Variants in CATSPERE observed in about 807,000 individuals in gnomAD.
The protein encoded by CATSPERE is catsper channel auxiliary subunit epsilon, also known as cation channel sperm-associated auxiliary subunit epsilon.
A neutral mutation model predicts 114.1 loss-of-function variants in CATSPERE; 93 were observed. The observed-to-expected ratio is 0.81, with a 90% CI of 0.69 to 0.97. CATSPERE has a LOEUF of 0.97. Ranked by LOEUF, CATSPERE falls within the 50% of genes least tolerant of loss-of-function variation. The probability of loss-of-function intolerance (pLI) is 0.00; values close to 1 mark genes in which losing one functional copy is unlikely to be tolerated. For synonymous variants in CATSPERE, 341 were observed against 384.1 expected (o/e 0.89, Z 1.31); for missense variants, 1,058 against 1,131.6 (o/e 0.93, Z 0.93).
intron 18 of CATSPERE, among the ~76,000 whole-genome samples, chr1:244,609,806 T>A (rs1670474536): frequency 3.3e-5 from 5 of 152,188 alleles, no homozygotes; most frequent in Non-Finnish European, 7.3e-5. Context: ...TTTGGGAGGC[T>A]GAGGCAGGAA....
intron 17 of CATSPERE, among the ~76,000 whole-genome samples, chr1:244,602,490 C>T (rs143611021): frequency 2.6e-4 from 40 of 152,266 alleles, no homozygotes; most frequent in African/African-American, 9.6e-4. Flanking sequence ...GGGAATGGCT[C>T]AGGTACAAGG....
In CATSPERE at chr1:244,479,772, A is replaced by G; in HGVS notation, c.314A>G (p.Tyr105Cys). The G allele has an allele frequency of 6.3e-7, 1 of 1,586,580 alleles. No individual in the cohort carries two copies. The highest frequency in any genetic ancestry group is 8.6e-7 in the Non-Finnish European group (1 of 1,160,438). The part of the protein sequence containing the change: ...VESSHTCFLW[Y>C]YRVRHFFNNF... ...AGTTCTCATACTTGCTTTCTGTGGT[A>G]CTATAGAGTTAGGTAAGTAATGCAG... The change falls in exon 5 of 22, where the codon TAC (tyrosine) becomes TGC (cysteine). Residue 105 changes from tyrosine (Y) to cysteine (C), a missense_variant. Physicochemically the swap from Tyr to Cys is radical, Grantham distance 194 (BLOSUM62 -2). This residue lies in a region of CATSPERE where 271 missense variants were observed against 225.9 expected (regional missense o/e 1.20). Transcript: ENST00000366534.
rs549929081 is a variant in CATSPERE, at chr1:244,504,718, AC to A, written c.429+5641del. Reference sequence around the variant, plus strand: ...GGAGTTAGGTGTTTCAGGCAGGAAGACCGCAGAAGTAAAGTGGCATTCCCAT... The same window carrying A: ...GGAGTTAGGTGTTTCAGGCAGGAAGACGCAGAAGTAAAGTGGCATTCCCAT... On this transcript the variant is annotated intron_variant, in intron 7 of 21. Transcript: ENST00000366534. This position sits in a 1 kb window ranked among gnomAD's most constrained non-coding sequence, Gnocchi z 4.1. Among the ~76,000 whole-genome samples the A allele has an allele frequency of 3.5e-4, 53 of 152,338 alleles. No individual in the cohort carries two copies. The East Asian group carries it at 0.01, about 29-fold the overall frequency.
Position 244,461,417 on chromosome 1 carries a change from C to G in CATSPERE, c.-13C>G. 1 of 1,360,956 alleles carries G rather than the reference C, an allele frequency of 7.3e-7. No homozygotes were observed. Among genetic ancestry groups the G allele is most frequent in the South Asian group, 1.9e-5 (1 of 53,166 alleles). The allele number at this position is 1,360,956 out of a possible 1,614,324, so 84.3% of individuals were successfully genotyped here. ...AGTGGCCGAGGCGGTTGGGCGGAGGCGGAGCAGGCGCCATGTCAGCCCGGG... is the reference window on the plus strand; with the variant it reads ...AGTGGCCGAGGCGGTTGGGCGGAGGGGGAGCAGGCGCCATGTCAGCCCGGG... On this transcript the variant is annotated 5_prime_UTR_variant, in exon 1 of 22. Coordinates refer to ENST00000366534, the MANE Select transcript of CATSPERE (RefSeq NM_001130957.2).
intron 2 of CATSPERE, among the ~76,000 whole-genome samples, chr1:244,467,508 A>T (rs1373614399): frequency 1.3e-5 from 2 of 152,202 alleles, no homozygotes; most frequent in Non-Finnish European, 2.9e-5. Flanking sequence ...CTAATACACC[A>T]CTAGAAGGAA....
At chr1:244,578,649 A>G (rs1665653342) in intron 11 of CATSPERE, among the ~76,000 whole-genome samples, 1 of 151,342 alleles carries the variant, frequency 6.6e-6, no homozygotes, top group Non-Finnish European at 1.5e-5. Context: ...ACCTCAGTCT[A>G]CAGCTATATA....
chr1:244,619,357 A>G (rs1049422958), intron 20 of CATSPERE, among the ~76,000 whole-genome samples: 7 of 152,180 alleles, frequency 4.6e-5, no homozygotes, highest in African/African-American at 1.7e-4. Flanking sequence ...ACAAAAACAG[A>G]AAGTTAATTT....
intron 5 of CATSPERE, 101 bp downstream of exon 5, chr1:244,479,885 A>G: frequency 3.7e-6 from 2 of 545,296 alleles, no homozygotes; most frequent in Non-Finnish European, 6.1e-6. Context: ...CGGTTTCCAT[A>G]CAACTTTCAT....
chr1:244,640,261 T>C lies in CATSPERE; in HGVS notation c.*180T>C. On this transcript the variant is annotated 3_prime_UTR_variant, in exon 22 of 22. Transcript: ENST00000366534. ...TCTCCAAAATAGAAATGTTTTCATATATATTGTTATTAAATTAATCCTTTG... is the reference window on the plus strand; with the variant it reads ...TCTCCAAAATAGAAATGTTTTCATACATATTGTTATTAAATTAATCCTTTG... The C allele has an allele frequency of 2.1e-6, 1 of 474,810 alleles. No individual in the cohort carries two copies. Among genetic ancestry groups the C allele is most frequent in the Non-Finnish European group, 3.7e-6 (1 of 272,428 alleles). 29.4% of individuals were successfully genotyped at this position (474,810 alleles called of 1,614,324 possible). A position where few individuals can be genotyped will look rare whatever the true frequency, so the allele number is the denominator to read the frequency against.
At chr1:244,537,818 T>C (rs992032065) in intron 8 of CATSPERE, among the ~76,000 whole-genome samples, 1 of 152,198 alleles carries the variant, frequency 6.6e-6, no homozygotes, top group Admixed American at 6.5e-5. Flanking sequence ...GAGAAAAATA[T>C]GTATTCTCCT....
chr1:244,581,829 A>G lies in CATSPERE; in HGVS notation c.1984A>G (p.Arg662Gly). ...ATTTTATCAGAATGTAGATTATGAG[A>G]GAATATCTGATTACTTTGAGACACA... ...LTFYQNVDYE[R>G]ISDYFETQDK... Residue 662 changes from arginine (R) to glycine (G), a missense_variant, in exon 12 of 22, where the codon AGA becomes GGA. Transcript: ENST00000366534. The G allele has an allele frequency of 7.5e-7, 1 of 1,333,028 alleles. No individual in the cohort carries two copies. The highest frequency in any genetic ancestry group is 1.0e-6 in the Non-Finnish European group (1 of 952,636). The allele number at this position is 1,333,028 out of a possible 1,614,324, so 82.6% of individuals were successfully genotyped here. A position where few individuals can be genotyped will look rare whatever the true frequency, so the allele number is the denominator to read the frequency against.
chr1:244,586,336 A>G (rs1196684317), intron 13 of CATSPERE, among the ~76,000 whole-genome samples: 2 of 152,188 alleles, frequency 1.3e-5, no homozygotes, highest in Non-Finnish European at 2.9e-5. Flanking sequence ...GAGAAGAAAC[A>G]TTGCAAATGA....
chr1:244,522,782 C>G (rs1201547745), intron 8 of CATSPERE, among the ~76,000 whole-genome samples: 1 of 151,992 alleles, frequency 6.6e-6, no homozygotes, highest in African/African-American at 2.4e-5. Context: ...AAGACTAAAC[C>G]AGGAAGAAGC....
At chr1:244,635,381 C>A in intron 20 of CATSPERE, 108 bp from the exon 21 acceptor site, 1 of 755,100 alleles carries the variant, frequency 1.3e-6, no homozygotes, top group South Asian at 1.8e-5. Flanking sequence ...GAAAATGACA[C>A]CTTAACTAGG....
At chr1:244,484,105 T>G (rs1351558242) in intron 5 of CATSPERE, among the ~76,000 whole-genome samples, 1 of 152,210 alleles carries the variant, frequency 6.6e-6, no homozygotes, top group Non-Finnish European at 1.5e-5. Context: ...ATTTTCCATA[T>G]ATGCATGGGT....
upstream of CATSPERE, chr1:244,451,600 G>T (rs931293090): frequency 1.0e-5 from 16 of 1,577,966 alleles, no homozygotes; most frequent in Non-Finnish European, 1.3e-5. The surrounding 1 kb of genome is among the most constrained non-coding windows in gnomAD (Gnocchi z 6.6). Flanking sequence ...CGAGCTCCCG[G>T]GCCCGGCTTC....
chr1:244,579,033 G>T (rs1665769618), intron 11 of CATSPERE, among the ~76,000 whole-genome samples: 1 of 151,632 alleles, frequency 6.6e-6, no homozygotes, highest in South Asian at 2.1e-4. Context: ...GTTATTCAAG[G>T]TTTACAGTAT....
At chr1:244,527,954 T>C (rs1389387140) in intron 8 of CATSPERE, among the ~76,000 whole-genome samples, 1 of 152,136 alleles carries the variant, frequency 6.6e-6, no homozygotes, top group Non-Finnish European at 1.5e-5. Flanking sequence ...CCCAAGCTGG[T>C]CTTTATTTTT....
chr1:244,576,289 C>T (rs1665253813), intron 11 of CATSPERE, among the ~76,000 whole-genome samples: 1 of 151,940 alleles, frequency 6.6e-6, no homozygotes, highest in Non-Finnish European at 1.5e-5. Context: ...TTAGAGAGGA[C>T]TAGAGACTGC....
Sources: allele counts gnomAD v4.1 joint callset (sites outside exome capture counted in the v4.1 genomes callset), GRCh38; gene constraint gnomAD v4.1.1; regional missense constraint gnomAD v4.1.1; non-coding constraint Gnocchi (gnomAD v3.1); transcripts MANE v1.5; gene names NCBI Gene and HGNC (gene_info 2026-07-23, HGNC 2026-07-21).